CRX: variants seen among roughly 807,000 people sequenced by gnomAD.
The protein encoded by CRX is cone-rod homeobox, also known as cone-rod homeobox protein.
A neutral mutation model predicts 13.1 loss-of-function variants in CRX; 5 were observed. The observed-to-expected ratio is 0.38, with a 90% CI of 0.20 to 0.80. The LOEUF (loss-of-function observed/expected upper bound fraction) is 0.80, where lower values mean the gene tolerates loss of function less well. Among genes scored for constraint, CRX ranks in the 30% least tolerant of loss-of-function variants. The probability of loss-of-function intolerance (pLI) is 0.43; values close to 1 mark genes in which losing one functional copy is unlikely to be tolerated. For missense variants in CRX, 351 were observed against 391.8 expected (o/e 0.90, Z 0.88); for synonymous variants, 179 against 171.1 (o/e 1.05, Z -0.36).
chr19:47,826,816 G>A (rs745461747), intron 1 of CRX, among the ~76,000 whole-genome samples: 6 of 152,196 alleles, frequency 3.9e-5, no homozygotes, highest in Non-Finnish European at 8.8e-5. Flanking sequence ...TCCAAGAGTG[G>A]CTTAACTGGA....
intron 3 of CRX, among the ~76,000 whole-genome samples, chr19:47,838,853 TG>T (rs1182962582): frequency 6.6e-6 from 1 of 151,480 alleles, no homozygotes; most frequent in Non-Finnish European, 1.5e-5. Flanking sequence ...ATTAGATGGA[TG>T]GATGAAAATG....
intron 2 of CRX, among the ~76,000 whole-genome samples, chr19:47,835,545 C>A (rs996030977): frequency 6.7e-6 from 1 of 149,586 alleles, no homozygotes; most frequent in African/African-American, 2.5e-5. Flanking sequence ...CCACCATGCC[C>A]GGCCAATTTT....
intron 1 of CRX, among the ~76,000 whole-genome samples, chr19:47,832,915 A>C (rs562506170): frequency 6.6e-6 from 1 of 152,006 alleles, no homozygotes; most frequent in African/African-American, 2.4e-5. Flanking sequence ...ACTGCTACCT[A>C]TCTGCCATGG....
chr19:47,830,599 G>A (rs1312210161), intron 1 of CRX, among the ~76,000 whole-genome samples: 1 of 151,930 alleles, frequency 6.6e-6, no homozygotes, highest in African/African-American at 2.4e-5. Flanking sequence ...TTCGAGACCA[G>A]CTTGGCTAAC....
rs4581817 is a variant in CRX at position 47,831,285 on chromosome 19, C to T, written c.-35-3124C>T. Among the ~76,000 whole-genome samples the T allele has an allele frequency of 5.9e-3, 807 of 137,232 alleles. 8 individuals are homozygous for T. Among genetic ancestry groups the T allele is most frequent in the African/African-American group, 0.021 (741 of 35,998 alleles). 90.0% of individuals were successfully genotyped at this position (137,232 alleles called of 152,430 possible). A position where few individuals can be genotyped will look rare whatever the true frequency, so the allele number is the denominator to read the frequency against. On this transcript the variant is annotated intron_variant, in intron 1 of 3. Coordinates refer to ENST00000221996, the MANE Select transcript of CRX (RefSeq NM_000554.6). Reference sequence around the variant, plus strand: ...TCGCGCCACTGCACTTTAGCCTGGGCGACAGAGCAAGACTCTGTCTCAAAA... The same window carrying T: ...TCGCGCCACTGCACTTTAGCCTGGGTGACAGAGCAAGACTCTGTCTCAAAA...
intron 2 of CRX, among the ~76,000 whole-genome samples, chr19:47,835,829 G>T (rs561459612): frequency 6.6e-6 from 1 of 151,490 alleles, no homozygotes; most frequent in South Asian, 2.1e-4. Flanking sequence ...CCCCATGTTG[G>T]CCAGGATAGT....
rs1968185207 is a variant in CRX, at chr19:47,840,703, C to CTTTCT, written c.*739_*740insCTTTT. ...CAGGCGTGAGCCACCGCGCCCGGCC[C>CTTTCT]TTTTTTTTTTTTTTTTTTTTAATTG... On this transcript the variant is annotated 3_prime_UTR_variant, in exon 4 of 4. Coordinates refer to ENST00000221996, the MANE Select transcript of CRX (RefSeq NM_000554.6). 1.0e-5 allele frequency: 1 copy of CTTTCT among 97,142 alleles called. No individual in the cohort carries two copies. Among genetic ancestry groups the CTTTCT allele is most frequent in the African/African-American group, 4.1e-5 (1 of 24,186 alleles). 6.0% of individuals were successfully genotyped at this position (97,142 alleles called of 1,614,324 possible).
rs1389095007 is a variant in CRX, at chr19:47,842,383, ACCAGCCTGGCCAACAT to A, written c.*2417_*2432del. Reference sequence around the variant, plus strand: ...GATCACCTGAGGTCAGGAGTTCGAGACCAGCCTGGCCAACATGGTGAAACCCTGTCTCTACTAATAA... The same window carrying A: ...GATCACCTGAGGTCAGGAGTTCGAGAGGTGAAACCCTGTCTCTACTAATAA... On this transcript the variant is annotated 3_prime_UTR_variant, in exon 4 of 4. Coordinates refer to ENST00000221996, the MANE Select transcript of CRX (RefSeq NM_000554.6). 1 of 152,044 alleles carries A rather than the reference ACCAGCCTGGCCAACAT, an allele frequency of 6.6e-6. No homozygotes were observed. The allele number at this position is 152,044 out of a possible 1,614,324, so 9.4% of individuals were successfully genotyped here.
At chr19:47,830,151 G>A (rs200094253) in intron 1 of CRX, among the ~76,000 whole-genome samples, 25 of 145,824 alleles carry the variant, frequency 1.7e-4, no homozygotes, top group African/African-American at 6.3e-4. Context: ...GGGAAAAAAA[G>A]AAAAACATTT....
At position 47,842,987 on chromosome 19, in the gene CRX, T is replaced by A. The variant is rs1968217139; in HGVS notation, c.*3020T>A. The A allele has an allele frequency of 6.6e-6, 1 of 152,198 alleles. No individual in the cohort carries two copies. Among genetic ancestry groups the A allele is most frequent in the Non-Finnish European group, 1.5e-5 (1 of 68,102 alleles). The allele number at this position is 152,198 out of a possible 1,614,324, so 9.4% of individuals were successfully genotyped here. A position where few individuals can be genotyped will look rare whatever the true frequency, so the allele number is the denominator to read the frequency against. ...CCAAGGGGCCCCCATCACAGGCCGA[T>A]GGGGTAAGACTTCGAGAGAGCCTGA... On this transcript the variant is annotated 3_prime_UTR_variant, in exon 4 of 4. Transcript: ENST00000221996.
chr19:47,836,477 G>A (rs564156969), intron 3 of CRX, 83 bp downstream of exon 3: 2 of 1,574,352 alleles, frequency 1.3e-6, no homozygotes, highest in Non-Finnish European at 1.7e-6. Flanking sequence ...GATGGGAGGA[G>A]GGAGAGATCA....
chr19:47,831,120 A>T (rs145640617), intron 1 of CRX, among the ~76,000 whole-genome samples: 3,686 of 151,996 alleles, frequency 0.024, 164 homozygotes, highest in African/African-American at 0.081. Flanking sequence ...CAGCCTGGCC[A>T]ACATGGTGAA....
At chr19:47,833,061 T>TCTCC (rs71180893) in intron 1 of CRX, among the ~76,000 whole-genome samples, 1 of 115,204 alleles carries the variant, frequency 8.7e-6, no homozygotes, top group African/African-American at 3.5e-5. Context: ...GAGATAGGGG[T>TCTCC]CTATTTCTTT....
At chr19:47,832,215 C>T (rs1317248762) in intron 1 of CRX, among the ~76,000 whole-genome samples, 2 of 142,508 alleles carry the variant, frequency 1.4e-5, no homozygotes, top group Non-Finnish European at 3.0e-5. Context: ...AAGCGATTCT[C>T]CTGCCTCAGC....
In CRX at chr19:47,840,293, A is replaced by C; in HGVS notation, c.*326A>C. On this transcript the variant is annotated 3_prime_UTR_variant, in exon 4 of 4. Coordinates refer to ENST00000221996, the MANE Select transcript of CRX (RefSeq NM_000554.6). The stretch of plus-strand genomic sequence containing the variant: ...TTGCTCCAAGAAGAAGTCAAACCAA[A>C]CTTGCAGTTGATTTGGGGTCATGTT... 2.8e-6 allele frequency: 1 copy of C among 351,958 alleles called. No individual in the cohort carries two copies. The highest frequency in any genetic ancestry group is 5.3e-6 in the Non-Finnish European group (1 of 187,514). 21.8% of individuals were successfully genotyped at this position (351,958 alleles called of 1,614,324 possible).
intron 3 of CRX, among the ~76,000 whole-genome samples, chr19:47,838,249 A>ATGTG (rs61437657): frequency 0.18 from 26,837 of 152,050 alleles, 2,632 homozygotes; most frequent in Non-Finnish European, 0.22. Context: ...GTATAATTGT[A>ATGTG]TGTATGTTTG....
intron 1 of CRX, among the ~76,000 whole-genome samples, chr19:47,832,404 G>A (rs1968063143): frequency 6.7e-6 from 1 of 149,188 alleles, no homozygotes; most frequent in South Asian, 2.2e-4. Flanking sequence ...CTGCGCCCAG[G>A]CTTACTTTAA....
At chr19:47,833,562 G>A (rs1180590398) in intron 1 of CRX, among the ~76,000 whole-genome samples, 3 of 151,746 alleles carry the variant, frequency 2.0e-5, no homozygotes, top group African/African-American at 4.8e-5. Flanking sequence ...GATTACAGGC[G>A]TGAGCCACCT....
intron 3 of CRX, 60 bp downstream of exon 3, chr19:47,836,454 CGGA>C: frequency 6.2e-7 from 1 of 1,606,098 alleles, no homozygotes; most frequent in Non-Finnish European, 8.5e-7. Flanking sequence ...GAGGCCTGCC[CGGA>C]ACAAAGAGTG....
Sources: allele counts gnomAD v4.1 joint callset (sites outside exome capture counted in the v4.1 genomes callset), GRCh38; gene constraint gnomAD v4.1.1; transcripts MANE v1.5; gene names NCBI Gene and HGNC (gene_info 2026-07-23, HGNC 2026-07-21).